Variants in HERPUD2 observed in about 807,000 individuals in gnomAD.
HERPUD2 encodes the protein homocysteine-responsive endoplasmic reticulum-resident ubiquitin-like domain member 2 protein.
Under a neutral mutation model 49.9 loss-of-function variants are expected in HERPUD2, and 13 were observed. The observed-to-expected ratio is 0.26, with a 90% CI of 0.17 to 0.41. HERPUD2 has a LOEUF of 0.41. Among genes scored for constraint, HERPUD2 ranks in the 10% least tolerant of loss-of-function variants. The probability of loss-of-function intolerance (pLI) is 1.00; values close to 1 mark genes in which losing one functional copy is unlikely to be tolerated. For missense variants in HERPUD2, 449 were observed against 492.2 expected (o/e 0.91, Z 0.83); for synonymous variants, 172 against 171.4 (o/e 1.00, Z -0.03).
intron 5 of HERPUD2, among the ~76,000 whole-genome samples, chr7:35,642,200 AT>A (rs1784977086): frequency 6.6e-6 from 1 of 152,214 alleles, no homozygotes; most frequent in South Asian, 2.1e-4. Flanking sequence ...CAACAAGCAA[AT>A]GAAAAAAAGC....
At chr7:35,657,603 CAAAAAAA>C (rs34292182) in intron 5 of HERPUD2, among the ~76,000 whole-genome samples, 1 of 57,098 alleles carries the variant, frequency 1.8e-5, no homozygotes, top group African/African-American at 6.9e-5. Context: ...GACCTTCTCT[CAAAAAAA>C]AAAAAAAAAA....
chr7:35,676,773 C>A (rs1303178877), intron 2 of HERPUD2, among the ~76,000 whole-genome samples: 1 of 152,182 alleles, frequency 6.6e-6, no homozygotes. Context: ...ATCTTTCTTG[C>A]TAATGACACT....
Position 35,636,099 on chromosome 7 carries a change from G to T in HERPUD2, c.618-641C>A, listed in dbSNP as rs1393685918. On this transcript the variant is annotated intron_variant, in intron 6 of 8. Transcript: ENST00000311350. The stretch of plus-strand genomic sequence containing the variant: ...TGATTGCTTAAAATTTCCCAGTAAA[G>T]AATAAATTTCCTAGTAAAGTGATAA... Among the ~76,000 whole-genome samples the T allele has an allele frequency of 5.3e-5, 8 of 152,110 alleles. 1 individual carries two copies. The highest frequency in any genetic ancestry group is 1.2e-4 in the Non-Finnish European group (8 of 68,006).
In HERPUD2 at chr7:35,694,198, A is replaced by T. The variant is rs762159747; in HGVS notation, c.133T>A (p.Tyr45Asn). Residue 45 changes from tyrosine to asparagine, a missense_variant, in exon 2 of 9, where the codon TAC becomes AAC. Tyr to Asn is a moderately radical substitution (Grantham distance 143). Coordinates refer to ENST00000311350, the MANE Select transcript of HERPUD2 (RefSeq NM_022373.5). ...TACACACTTACTGGTTTGCTAGGGT[A>T]AACGTTAGATAGATGCGTTTTTAGT... ...GKLKTHLSNV[Y>N]PSKPLTKDQR... 1 of 1,613,982 alleles carries T rather than the reference A, an allele frequency of 6.2e-7. No individual in the cohort carries two copies. The highest frequency in any genetic ancestry group is 1.3e-5 in the African/African-American group (1 of 74,880).
intron 2 of HERPUD2, among the ~76,000 whole-genome samples, chr7:35,678,891 C>A (rs1425213119): frequency 6.6e-6 from 1 of 152,036 alleles, no homozygotes; most frequent in Admixed American, 6.6e-5. Flanking sequence ...CACTTCTAAG[C>A]AAGATAGGGA....
rs757518494 is a variant in HERPUD2, at chr7:35,667,412, T to C, written c.494+22A>G. ...TTTAGGGGGCCCCAATCACATTCCA[T>C]AGCTACCACAATTTCACTTACCCTT... is the stretch of plus-strand genomic sequence containing the variant. On this transcript the variant is annotated intron_variant, in intron 5 of 8. Transcript: ENST00000311350. The C allele has an allele frequency of 3.8e-6, 6 of 1,597,164 alleles. No individual in the cohort carries two copies. The South Asian group carries it at 5.6e-5, about 15-fold the overall frequency.
At chr7:35,689,469 G>A (rs1265013082) in intron 2 of HERPUD2, among the ~76,000 whole-genome samples, 2 of 152,082 alleles carry the variant, frequency 1.3e-5, no homozygotes, top group Non-Finnish European at 2.9e-5. Flanking sequence ...TTTTTAAAAT[G>A]ACCTAAGTAA....
intron 6 of HERPUD2, among the ~76,000 whole-genome samples, chr7:35,638,015 T>C (rs952113050): frequency 1.3e-5 from 2 of 152,240 alleles, no homozygotes; most frequent in South Asian, 4.1e-4. Context: ...ACATAAGCTA[T>C]GGCCTCCCTG....
At position 35,673,244 on chromosome 7, in the gene HERPUD2, C is replaced by A. The variant is rs779680647; in HGVS notation, c.182G>T (p.Arg61Ile). Reference sequence around the variant, plus strand: ...CAGCTGCAGATGATCGGGAAGCAGTCTGCCCGAATACACCAATCTCTGATC... The same window carrying A: ...CAGCTGCAGATGATCGGGAAGCAGTATGCCCGAATACACCAATCTCTGATC... ...TKDQRLVYSGRLLPDHLQLKD... is the reference protein window; with the variant it reads ...TKDQRLVYSGILLPDHLQLKD... Residue 61 changes from arginine to isoleucine, a missense_variant, in exon 3 of 9, where the codon AGA (arginine) becomes ATA (isoleucine). Arg to Ile is a moderately conservative substitution (Grantham distance 97). Coordinates refer to ENST00000311350, the MANE Select transcript of HERPUD2 (RefSeq NM_022373.5). The A allele has an allele frequency of 3.1e-6, 5 of 1,612,112 alleles. No homozygotes were observed. The highest frequency in any genetic ancestry group is 3.4e-5 in the Admixed American group (2 of 59,574).
At chr7:35,637,182 GATA>G in intron 6 of HERPUD2, among the ~76,000 whole-genome samples, 1 of 151,672 alleles carries the variant, frequency 6.6e-6, no homozygotes, top group African/African-American at 2.4e-5. Flanking sequence ...TAGATAGATA[GATA>G]GATAGATAGA....
At chr7:35,689,617 T>C (rs1465103526) in intron 2 of HERPUD2, among the ~76,000 whole-genome samples, 1 of 152,230 alleles carries the variant, frequency 6.6e-6, no homozygotes, top group Admixed American at 6.5e-5. Context: ...AACCTATATA[T>C]ACAATTGGTT....
chr7:35,677,451 T>C (rs939004623), intron 2 of HERPUD2, among the ~76,000 whole-genome samples: 8 of 152,176 alleles, frequency 5.3e-5, no homozygotes, highest in Non-Finnish European at 8.8e-5. Flanking sequence ...TATTTCCCCA[T>C]AGCATCCTGC....
chr7:35,684,841 C>A (rs1562687575), intron 2 of HERPUD2, among the ~76,000 whole-genome samples: 1 of 152,034 alleles, frequency 6.6e-6, no homozygotes, highest in Non-Finnish European at 1.5e-5. Flanking sequence ...TAAATCACCA[C>A]TAAAGAACTT....
chr7:35,666,224 A>G (rs1785533607), intron 5 of HERPUD2, among the ~76,000 whole-genome samples: 1 of 152,234 alleles, frequency 6.6e-6, no homozygotes, highest in Non-Finnish European at 1.5e-5. Context: ...CTGAAAACAA[A>G]AATAGTTTCA....
At chr7:35,666,846 A>G (rs1785548041) in intron 5 of HERPUD2, among the ~76,000 whole-genome samples, 1 of 152,234 alleles carries the variant, frequency 6.6e-6, no homozygotes. Context: ...GATTCTGGAC[A>G]ACATGCAGCA....
At chr7:35,666,150 T>C (rs978650300) in intron 5 of HERPUD2, among the ~76,000 whole-genome samples, 5 of 152,226 alleles carry the variant, frequency 3.3e-5, no homozygotes, top group Non-Finnish European at 7.3e-5. Context: ...TGTTCCATAA[T>C]ATAAACCCTG....
At chr7:35,645,998 A>G (rs971539942) in intron 5 of HERPUD2, among the ~76,000 whole-genome samples, 31 of 152,206 alleles carry the variant, frequency 2.0e-4, no homozygotes, top group African/African-American at 7.5e-4. Context: ...TGTTTAATCT[A>G]CTGTCTCTCT....
At chr7:35,641,671 A>C (rs902714225) in intron 5 of HERPUD2, among the ~76,000 whole-genome samples, 1 of 152,196 alleles carries the variant, frequency 6.6e-6, no homozygotes, top group African/African-American at 2.4e-5. Context: ...CTGCACACCT[A>C]CAACTGTCTG....
At chr7:35,653,507 C>T (rs1785210241) in intron 5 of HERPUD2, among the ~76,000 whole-genome samples, 1 of 147,102 alleles carries the variant, frequency 6.8e-6, no homozygotes, top group Non-Finnish European at 1.5e-5. Flanking sequence ...CTCAGCATTA[C>T]ACAGATCATC....
Sources: allele counts gnomAD v4.1 joint callset (sites outside exome capture counted in the v4.1 genomes callset), GRCh38; gene constraint gnomAD v4.1.1; transcripts MANE v1.5; gene names NCBI Gene and HGNC (gene_info 2026-07-23, HGNC 2026-07-21).